Variants in ZDHHC9 observed in about 807,000 individuals in gnomAD.
The protein encoded by ZDHHC9 is zDHHC palmitoyltransferase 9.
In ZDHHC9, 3 loss-of-function variants were observed where a neutral mutation model predicts 26.6. That is an observed-to-expected ratio of 0.11 (90% CI 0.05 to 0.29). The LOEUF (loss-of-function observed/expected upper bound fraction) is 0.29, where lower values mean the gene tolerates loss of function less well. Among genes scored for constraint, ZDHHC9 ranks in the 10% least tolerant of loss-of-function variants. ZDHHC9 has a pLI of 1.00. For synonymous variants in ZDHHC9, 111 were observed against 109.4 expected, an observed-to-expected ratio of 1.01 and a Z score of -0.09; for missense variants, 146 against 296.4, an observed-to-expected ratio of 0.49 and a Z score of 3.73.
At chrX:129,819,172 CAAAAAAAAAAA>C (rs10555509) in intron 5 of ZDHHC9, among the ~76,000 whole-genome samples, 3 of 36,083 alleles carry the variant, frequency 8.3e-5, no homozygotes, top group African/African-American at 1.1e-4. Flanking sequence ...GCCTCCGTCT[CAAAAAAAAAAA>C]AAAAAAAAAA....
intron 4 of ZDHHC9, among the ~76,000 whole-genome samples, 177 bp downstream of exon 4, chrX:129,828,804 G>A (rs759990484): frequency 2.2e-3 from 251 of 111,783 alleles, no homozygotes; most frequent in Non-Finnish European, 4.0e-3. Flanking sequence ...TATGACTTTA[G>A]ACTGTTGCTA....
chrX:129,818,966 A>T (rs1402196982), intron 5 of ZDHHC9, among the ~76,000 whole-genome samples: 3 of 109,839 alleles, frequency 2.7e-5, no homozygotes, highest in Non-Finnish European at 5.7e-5. Flanking sequence ...AGGTCAGGAG[A>T]TAGAGACCAT....
rs1928085031 is a variant in ZDHHC9 at position 129,829,084 on chromosome X, G to A, written c.225C>T (p.Leu75=). Residue 75 remains leucine (L), a synonymous_variant, in exon 4 of 11, where the codon CTC becomes CTT. Coordinates refer to ENST00000357166, the MANE Select transcript of ZDHHC9 (RefSeq NM_016032.4). ...ACAGTGTAGCCATGGAGAAAAGGAAGAGCATGGCAGCAAATACAGGGATGG... is the reference window on the plus strand; with the variant it reads ...ACAGTGTAGCCATGGAGAAAAGGAAAAGCATGGCAGCAAATACAGGGATGG... The part of the protein sequence containing the change: ...SPAIPVFAAM[L]FLFSMATLLR... 2.5e-6 allele frequency: 3 copies of A among 1,209,784 alleles called. No individual in the cohort carries two copies. Among genetic ancestry groups the A allele is most frequent in the African/African-American group, 1.8e-5 (1 of 57,075 alleles).
chrX:129,821,100 A>C (rs915233552), intron 5 of ZDHHC9, among the ~76,000 whole-genome samples: 7 of 111,952 alleles, frequency 6.3e-5, no homozygotes, highest in African/African-American at 1.9e-4. Flanking sequence ...ATACCATCTC[A>C]TGCCAGTCAG....
rs184341228 is a variant in ZDHHC9, at chrX:129,822,369, C to T, written c.487+1310G>A. On this transcript the variant is annotated intron_variant, in intron 5 of 10. Transcript: ENST00000357166. ...AACACAGGAACAGAAAACCAAACAC[C>T]GCATGTTCTCACTCATAAGTGGGAG... Among the ~76,000 whole-genome samples, 67 of 106,986 alleles carry T rather than the reference C, an allele frequency of 6.3e-4. 1 individual carries two copies. In the East Asian group the frequency reaches 0.017, roughly 28 times the overall value. 92.9% of individuals were successfully genotyped at this position (106,986 alleles called of 115,157 possible). A position where few individuals can be genotyped will look rare whatever the true frequency, so the allele number is the denominator to read the frequency against.
intron 5 of ZDHHC9, among the ~76,000 whole-genome samples, chrX:129,819,066 G>C (rs1326302355): frequency 9.3e-6 from 1 of 107,268 alleles, no homozygotes; most frequent in African/African-American, 3.4e-5. Flanking sequence ...CCAGCTACTC[G>C]GGAGGCTGAG....
Position 129,804,267 on chromosome X carries a change from C to T in ZDHHC9, c.*2103G>A, listed in dbSNP as rs764081058. ...CAACTTACAAATTCTCCAGGTTTGG[C>T]TTTATAACTTCAAGAAAAAAAACTG... On this transcript the variant is annotated 3_prime_UTR_variant, in exon 11 of 11. Transcript: ENST00000357166. 2.8e-4 allele frequency: 31 copies of T among 110,668 alleles called. No individual in the cohort carries two copies. The highest frequency in any genetic ancestry group is 1.0e-3 in the African/African-American group (31 of 30,445). The allele number at this position is 110,668 out of a possible 1,213,427, so 9.1% of individuals were successfully genotyped here. A position where few individuals can be genotyped will look rare whatever the true frequency, so the allele number is the denominator to read the frequency against.
Position 129,806,524 on chromosome X carries a change from T to C in ZDHHC9, c.979-38A>G, listed in dbSNP as rs748765664. The C allele has an allele frequency of 2.7e-6, 3 of 1,129,321 alleles. No homozygotes were observed. In the South Asian group the frequency reaches 5.5e-5, roughly 21 times the overall value. The allele number at this position is 1,129,321 out of a possible 1,213,427, so 93.1% of individuals were successfully genotyped here. A position where few individuals can be genotyped will look rare whatever the true frequency, so the allele number is the denominator to read the frequency against. On this transcript the variant is annotated intron_variant, in intron 10 of 10. Transcript: ENST00000357166. Reference sequence around the variant, plus strand: ...AGATATGAGATTCAACACAAAGCTGTTCCTCAAAATCCAAATGCAGATAAA... The same window carrying C: ...AGATATGAGATTCAACACAAAGCTGCTCCTCAAAATCCAAATGCAGATAAA...
chrX:129,813,509 A>T (rs1927691651), intron 7 of ZDHHC9, among the ~76,000 whole-genome samples, 168 bp downstream of exon 7: 1 of 112,366 alleles, frequency 8.9e-6, no homozygotes, highest in Admixed American at 9.4e-5. Flanking sequence ...AGTCCCGGTC[A>T]TCTTCCATTC....
At chrX:129,807,422 C>T (rs1435474562) in intron 10 of ZDHHC9, among the ~76,000 whole-genome samples, 37 of 97,897 alleles carry the variant, frequency 3.8e-4, no homozygotes, top group Non-Finnish European at 1.8e-4. Context: ...GTCCGCAGTC[C>T]GGCCTGGGCG....
chrX:129,841,699 C>T, intron 3 of ZDHHC9, 80 bp downstream of exon 3: 6 of 1,161,843 alleles, frequency 5.2e-6, no homozygotes, highest in Non-Finnish European at 7.0e-6. Flanking sequence ...AAGGACCAGC[C>T]CCAAACTCCC....
intron 10 of ZDHHC9, among the ~76,000 whole-genome samples, chrX:129,808,125 T>C (rs1927562259): frequency 8.9e-6 from 1 of 112,178 alleles, no homozygotes; most frequent in African/African-American, 3.2e-5. Flanking sequence ...TTTAATCTTG[T>C]TAGGATGGCA....
rs763192908 is a variant in ZDHHC9 at position 129,823,797 on chromosome X, C to T, written c.369G>A (p.Pro123=). ...NGAVPQGQRP[P]PRIKNFQINN... is the part of the protein sequence containing the mutation. ...TTATCTGGAAATTCTTGATACGAGG[C>T]GGTGGTCGCTGGCCCTGGGGCACCG... Residue 123 remains proline, a synonymous_variant, in exon 5 of 11, where the codon CCG becomes CCA. Transcript: ENST00000357166. The T allele has an allele frequency of 2.6e-5, 32 of 1,210,141 alleles. No homozygotes were observed. The highest frequency in any genetic ancestry group is 2.7e-5 in the Non-Finnish European group (24 of 895,098).
intron 10 of ZDHHC9, among the ~76,000 whole-genome samples, chrX:129,807,175 G>A (rs943491353): frequency 1.3e-4 from 15 of 112,332 alleles, no homozygotes; most frequent in African/African-American, 4.5e-4. Flanking sequence ...GGCCGGGCGC[G>A]GTGGCTCACG....
rs955229676 is a variant in ZDHHC9, at chrX:129,803,935, G to A, written c.*2435C>T. Reference sequence around the variant, plus strand: ...GATCAGATAGGGACAGTCCCAGCTGGTGCATGGTATGAATGGGACAGATCT... The same window carrying A: ...GATCAGATAGGGACAGTCCCAGCTGATGCATGGTATGAATGGGACAGATCT... On this transcript the variant is annotated 3_prime_UTR_variant, in exon 11 of 11. Transcript: ENST00000357166. 1 of 112,134 alleles carries A rather than the reference G, an allele frequency of 8.9e-6. No individual in the cohort carries two copies. The highest frequency in any genetic ancestry group is 3.2e-5 in the African/African-American group (1 of 30,850). The allele number at this position is 112,134 out of a possible 1,213,427, so 9.2% of individuals were successfully genotyped here.
At chrX:129,835,467 G>GA (rs1174250066) in intron 3 of ZDHHC9, among the ~76,000 whole-genome samples, 3 of 105,264 alleles carry the variant, frequency 2.8e-5, no homozygotes, top group African/African-American at 7.0e-5. Flanking sequence ...AAAAAAAGAG[G>GA]AAAAAAAAGA....
Position 129,819,830 on chromosome X carries a change from G to T in ZDHHC9, c.487+3849C>A, listed in dbSNP as rs767849680. ...CATGCCTCAGCCAGGGTCTCAGCTG[G>T]GATTACAGGCACATGTCACCACGTC... On this transcript the variant is annotated intron_variant, in intron 5 of 10. Coordinates refer to ENST00000357166, the MANE Select transcript of ZDHHC9 (RefSeq NM_016032.4). 2.7e-5 allele frequency among the ~76,000 whole-genome samples: 3 copies of T among 110,443 alleles called. No individual in the cohort carries two copies. In the East Asian group the frequency reaches 8.4e-4, roughly 31 times the overall value.
chrX:129,834,247 G>A (rs1409154706), intron 3 of ZDHHC9, among the ~76,000 whole-genome samples: 1 of 111,445 alleles, frequency 9.0e-6, no homozygotes, highest in Non-Finnish European at 1.9e-5. Flanking sequence ...CCAGAACTAT[G>A]AGACACAAAT....
chrX:129,825,330 C>T (rs757565481), intron 4 of ZDHHC9, among the ~76,000 whole-genome samples: 5 of 111,451 alleles, frequency 4.5e-5, no homozygotes, highest in African/African-American at 1.6e-4. Flanking sequence ...AAATCACTGA[C>T]AGTCAGTCTC....
Sources: gnomAD v4.1 joint callset for allele counts (sites outside exome capture counted in the v4.1 genomes callset) on GRCh38, gnomAD v4.1.1 for gene constraint, MANE v1.5 for transcripts, NCBI Gene and HGNC (gene_info 2026-07-23, HGNC 2026-07-21) for gene names.